The following PDK1 variants were observed in gnomAD, a reference collection of about 807,000 sequenced individuals.
PDK1 encodes pyruvate dehydrogenase kinase 1, also known as [Pyruvate dehydrogenase (acetyl-transferring)] kinase isozyme 1, mitochondrial.
A neutral mutation model predicts 54.2 loss-of-function variants in PDK1; 39 were observed. That is an observed-to-expected ratio of 0.72 (90% CI 0.56 to 0.94). The LOEUF is 0.94. Ranked by LOEUF, PDK1 falls within the 40% of genes least tolerant of loss-of-function variation. The pLI, the probability that PDK1 is intolerant of heterozygous loss-of-function variation, is 0.00. For missense variants in PDK1, 552 were observed against 566.0 expected (o/e 0.98, Z 0.25); for synonymous variants, 221 against 207.1 (o/e 1.07, Z -0.58).
chr2:172,588,690 T>C (rs1690398132), intron 9 of PDK1, among the ~76,000 whole-genome samples: 1 of 152,322 alleles, frequency 6.6e-6, no homozygotes, highest in Admixed American at 6.5e-5. Flanking sequence ...CAGCAGGCAG[T>C]AGGGTAGCTG....
At chr2:172,703,773 T>C in the PDK1 span, among the ~76,000 whole-genome samples, 9 of 135,920 alleles carry the variant, frequency 6.6e-5, no homozygotes, top group South Asian at 2.0e-3. Flanking sequence ...TTTCTTTTTT[T>C]TTTTTTTTTT....
chr2:172,653,866 A>G, the PDK1 span, among the ~76,000 whole-genome samples: 57 of 152,336 alleles, frequency 3.7e-4, no homozygotes, highest in African/African-American at 1.3e-3. Flanking sequence ...AATTTTTACA[A>G]TCTACCCATC....
chr2:172,657,494 AT>A, the PDK1 span, among the ~76,000 whole-genome samples: 2 of 141,434 alleles, frequency 1.4e-5, no homozygotes, highest in African/African-American at 5.1e-5. Flanking sequence ...TGCAGGTTGT[AT>A]TATTTAATAT....
chr2:172,622,674 CAT>C, the PDK1 span, among the ~76,000 whole-genome samples: 365 of 118,378 alleles, frequency 3.1e-3, no homozygotes, highest in Admixed American at 7.5e-3. Flanking sequence ...GTTTATATCT[CAT>C]ATATTATGTG....
At chr2:172,676,680 T>TA in the PDK1 span, among the ~76,000 whole-genome samples, 6 of 152,282 alleles carry the variant, frequency 3.9e-5, no homozygotes, top group East Asian at 1.9e-4. Context: ...GTAGAAATGA[T>TA]AAAAAAGGAT....
At chr2:172,639,765 A>C in the PDK1 span, among the ~76,000 whole-genome samples, 1 of 152,190 alleles carries the variant, frequency 6.6e-6, no homozygotes, top group African/African-American at 2.4e-5. Context: ...TGAAGGGATT[A>C]GTGCCATCTT....
At chr2:172,571,487 C>T (rs1689255459) in intron 8 of PDK1, among the ~76,000 whole-genome samples, 1 of 152,194 alleles carries the variant, frequency 6.6e-6, no homozygotes, top group Non-Finnish European at 1.5e-5. Flanking sequence ...CCATGGCTTC[C>T]AGAGTAACTG....
intron 3 of PDK1, 35 bp downstream of exon 3, chr2:172,562,326 A>AT (rs1017111152): frequency 8.1e-7 from 1 of 1,238,466 alleles, no homozygotes; most frequent in African/African-American, 1.5e-5. Context: ...TCTTAAACCT[A>AT]TTATTAGGTC....
At chr2:172,622,180 TC>T in the PDK1 span, among the ~76,000 whole-genome samples, 1,578 of 146,888 alleles carry the variant, frequency 0.011, 75 homozygotes, top group African/African-American at 0.038. Flanking sequence ...TATGTTTATA[TC>T]ATATATTATG....
chr2:172,694,210 C>A, the PDK1 span, among the ~76,000 whole-genome samples: 1 of 152,328 alleles, frequency 6.6e-6, no homozygotes, highest in African/African-American at 2.4e-5. Flanking sequence ...GGGAAGAGAA[C>A]TGCATTTCAT....
the PDK1 span, among the ~76,000 whole-genome samples, chr2:172,664,040 G>A: frequency 1.4e-4 from 21 of 150,810 alleles, no homozygotes; most frequent in Non-Finnish European, 2.8e-4. Flanking sequence ...TGCCAGGCGC[G>A]GTGGCTCACA....
Position 172,607,165 on chromosome 2 carries a change from T to C in PDK1, c.*11196T>C, listed in dbSNP as rs1460470254. 1.3e-5 allele frequency: 2 copies of C among 151,874 alleles called. No homozygotes were observed. The highest frequency in any genetic ancestry group is 2.4e-5 in the African/African-American group (1 of 41,436). 9.4% of individuals were successfully genotyped at this position (151,874 alleles called of 1,614,324 possible). On this transcript the variant is annotated 3_prime_UTR_variant, in exon 11 of 11. Coordinates refer to ENST00000282077, the MANE Select transcript of PDK1 (RefSeq NM_002610.5). ...ATAGCCAAGCATGGTGGCTCACGCC[T>C]ATAATCCCAACTACTCCAGAGGCTG...
At chr2:172,644,992 A>C in the PDK1 span, among the ~76,000 whole-genome samples, 10 of 151,330 alleles carry the variant, frequency 6.6e-5, no homozygotes, top group Admixed American at 3.3e-4. Context: ...TACCCAGTAC[A>C]TAGGCTTGTT....
At chr2:172,701,147 A>G in the PDK1 span, among the ~76,000 whole-genome samples, 1 of 152,182 alleles carries the variant, frequency 6.6e-6, no homozygotes, top group African/African-American at 2.4e-5. Context: ...TGACAACAAC[A>G]ACAACAAAAT....
chr2:172,621,013 C>T, the PDK1 span, among the ~76,000 whole-genome samples: 6 of 152,194 alleles, frequency 3.9e-5, no homozygotes, highest in Non-Finnish European at 7.3e-5. Flanking sequence ...GGCACGGTGG[C>T]TCACTCCTGT....
chr2:172,587,001 G>GA (rs1690266100), intron 9 of PDK1, among the ~76,000 whole-genome samples: 1 of 152,126 alleles, frequency 6.6e-6, no homozygotes, highest in Non-Finnish European at 1.5e-5. Flanking sequence ...AATTCTAGAA[G>GA]AACTCTATTC....
chr2:172,699,478 CTTTTT>C, the PDK1 span, among the ~76,000 whole-genome samples: 1 of 130,236 alleles, frequency 7.7e-6, no homozygotes, highest in Admixed American at 7.6e-5. Context: ...CCTCATCTGA[CTTTTT>C]TTTTTTTTTT....
chr2:172,692,041 C>T, the PDK1 span, among the ~76,000 whole-genome samples: 7 of 152,134 alleles, frequency 4.6e-5, no homozygotes, highest in Admixed American at 4.6e-4. Context: ...TACATTGGAG[C>T]ACTTGAAAAG....
the PDK1 span, among the ~76,000 whole-genome samples, chr2:172,683,602 T>C: frequency 6.6e-6 from 1 of 152,206 alleles, no homozygotes; most frequent in Non-Finnish European, 1.5e-5. Flanking sequence ...TATATACATT[T>C]GTAGTTTAGG....
Sources: allele counts gnomAD v4.1 joint callset (sites outside exome capture counted in the v4.1 genomes callset), GRCh38; gene constraint gnomAD v4.1.1; transcripts MANE v1.5; gene names NCBI Gene and HGNC (gene_info 2026-07-23, HGNC 2026-07-21).